C1orf21: variants seen among roughly 807,000 people sequenced by gnomAD.
C1orf21 encodes the protein chromosome 1 open reading frame 21.
In C1orf21, 3 loss-of-function variants were observed where a neutral mutation model predicts 18.7. The ratio of observed to expected loss-of-function variants is 0.16; its 90% confidence interval spans 0.07 to 0.42. The LOEUF (loss-of-function observed/expected upper bound fraction) is 0.42. Among genes scored for constraint, C1orf21 ranks in the 10% least tolerant of loss-of-function variants. C1orf21 has a pLI of 0.99. For synonymous variants in C1orf21, 41 were observed against 46.4 expected (o/e 0.88, Z 0.47); for missense variants, 104 against 143.6 (o/e 0.72, Z 1.41).
rs1446289629 is a variant in C1orf21, at chr1:184,410,638, TA to T, written c.-125+23271del. Among the ~76,000 whole-genome samples the T allele has an allele frequency of 1.7e-3, 7 of 4,158 alleles. 2 individuals carry two copies. Among genetic ancestry groups the T allele is most frequent in the African/African-American group, 5.6e-3 (1 of 178 alleles). 2.7% of individuals were successfully genotyped at this position (4,158 alleles called of 152,430 possible). A position where few individuals can be genotyped will look rare whatever the true frequency, so the allele number is the denominator to read the frequency against. ...TATATTATATATATATATATATATA[TA>T]TATATATATATATATATATATATAT... On this transcript the variant is annotated intron_variant, in intron 1 of 5. Transcript: ENST00000235307.
At chr1:184,508,505 CG>C (rs1334903769) in intron 3 of C1orf21, among the ~76,000 whole-genome samples, 1 of 151,982 alleles carries the variant, frequency 6.6e-6, no homozygotes, top group African/African-American at 2.4e-5. Context: ...GACTTAAACT[CG>C]TTTTTTTATA....
intron 1 of C1orf21, among the ~76,000 whole-genome samples, chr1:184,399,285 G>T (rs1357544629): frequency 6.7e-6 from 1 of 149,422 alleles, no homozygotes; most frequent in Non-Finnish European, 1.5e-5. Flanking sequence ...TAAACTAGTA[G>T]TTTGAGCTAG....
Position 184,621,712 on chromosome 1 carries a change from T to C in C1orf21, c.*2156T>C, listed in dbSNP as rs376076759. ...ATGTCATTTTTCTCATGGTCACATTTAACAGTTTTGACATGTTATACTTGC... is the reference window on the plus strand; with the variant it reads ...ATGTCATTTTTCTCATGGTCACATTCAACAGTTTTGACATGTTATACTTGC... On this transcript the variant is annotated 3_prime_UTR_variant, in exon 6 of 6. Transcript: ENST00000235307. The C allele has an allele frequency of 2.0e-5, 3 of 152,234 alleles. No individual in the cohort carries two copies. Among genetic ancestry groups the C allele is most frequent in the South Asian group, 4.1e-4 (2 of 4,830 alleles). The allele number at this position is 152,234 out of a possible 1,614,324, so 9.4% of individuals were successfully genotyped here.
At chr1:184,618,638 C>A (rs1659868230) in intron 5 of C1orf21, among the ~76,000 whole-genome samples, 1 of 135,940 alleles carries the variant, frequency 7.4e-6, no homozygotes, top group South Asian at 2.5e-4. Context: ...AAGAACATTC[C>A]CCCCCCCCAA....
chr1:184,435,478 G>A (rs1253438371), intron 1 of C1orf21, among the ~76,000 whole-genome samples: 1 of 152,078 alleles, frequency 6.6e-6, no homozygotes, highest in Non-Finnish European at 1.5e-5. Context: ...CGAGTAGCTG[G>A]GATTACAGAC....
chr1:184,464,053 G>A (rs770940478), intron 1 of C1orf21, among the ~76,000 whole-genome samples: 17 of 152,228 alleles, frequency 1.1e-4, no homozygotes, highest in Non-Finnish European at 2.4e-4. Context: ...CTACAGACTA[G>A]ACTGGCTGGA....
intron 3 of C1orf21, among the ~76,000 whole-genome samples, chr1:184,574,045 A>T (rs182363297): frequency 2.1e-3 from 320 of 152,152 alleles, no homozygotes; most frequent in African/African-American, 7.1e-3. Context: ...AAGAAAAAAA[A>T]AATACAAAAA....
intron 5 of C1orf21, among the ~76,000 whole-genome samples, chr1:184,610,573 G>A (rs531852802): frequency 7.4e-4 from 113 of 152,288 alleles, no homozygotes; most frequent in Admixed American, 1.6e-3. Context: ...TAGGCCAGGC[G>A]CGGTGGCTCA....
chr1:184,620,974 T>A lies in C1orf21; in HGVS notation c.*1418T>A, dbSNP rs1157283229. 2 of 151,542 alleles carry A rather than the reference T, an allele frequency of 1.3e-5. No homozygotes were observed. Among genetic ancestry groups the A allele is most frequent in the Non-Finnish European group, 2.9e-5 (2 of 67,944 alleles). The allele number at this position is 151,542 out of a possible 1,614,324, so 9.4% of individuals were successfully genotyped here. On this transcript the variant is annotated 3_prime_UTR_variant, in exon 6 of 6. Transcript: ENST00000235307. ...AAATGCCACGCCAGCAGTCCGGGTCTGGGTTTGTCCCACAAAATCACAGGA... is the reference window on the plus strand; with the variant it reads ...AAATGCCACGCCAGCAGTCCGGGTCAGGGTTTGTCCCACAAAATCACAGGA...
intron 1 of C1orf21, among the ~76,000 whole-genome samples, chr1:184,447,881 C>T (rs1397935230): frequency 6.6e-6 from 1 of 152,144 alleles, no homozygotes; most frequent in African/African-American, 2.4e-5. Flanking sequence ...TATCTTAGTA[C>T]GGCCCTTCAT....
At chr1:184,441,465 T>C (rs1656944308) in intron 1 of C1orf21, among the ~76,000 whole-genome samples, 1 of 152,220 alleles carries the variant, frequency 6.6e-6, no homozygotes, top group African/African-American at 2.4e-5. Context: ...TGTTAGTCCT[T>C]GTATTCTTAC....
chr1:184,593,870 A>T (rs147580970), intron 4 of C1orf21, among the ~76,000 whole-genome samples: 1 of 152,230 alleles, frequency 6.6e-6, no homozygotes, highest in Non-Finnish European at 1.5e-5. Flanking sequence ...AGAAAAGAGT[A>T]AGTCCTGAAA....
intron 1 of C1orf21, among the ~76,000 whole-genome samples, chr1:184,394,185 G>A (rs753253078): frequency 9.2e-5 from 14 of 152,212 alleles, no homozygotes; most frequent in Non-Finnish European, 1.8e-4. Flanking sequence ...TATCCTGAGT[G>A]CTTTAGGGCT....
rs553932360 is a variant in C1orf21, at chr1:184,411,582, T to C, written c.-125+24214T>C. Among the ~76,000 whole-genome samples, 401 of 151,766 alleles carry C rather than the reference T, an allele frequency of 2.6e-3. 2 individuals carry two copies. Among genetic ancestry groups the C allele is most frequent in the Non-Finnish European group, 4.2e-3 (284 of 67,988 alleles). ...GACTACAGGCGCCCGCCATCACGCC[T>C]GGCTATTTTTTTTGTATTTTTAATA... On this transcript the variant is annotated intron_variant, in intron 1 of 5. Coordinates refer to ENST00000235307, the MANE Select transcript of C1orf21 (RefSeq NM_030806.4).
intron 1 of C1orf21, among the ~76,000 whole-genome samples, chr1:184,417,066 A>C (rs1338449321): frequency 6.6e-6 from 1 of 152,152 alleles, no homozygotes; most frequent in Non-Finnish European, 1.5e-5. Flanking sequence ...TGAATGAATG[A>C]AAATCTCTTG....
intron 1 of C1orf21, among the ~76,000 whole-genome samples, chr1:184,406,699 G>T (rs2101959736): frequency 6.6e-6 from 1 of 152,302 alleles, no homozygotes; most frequent in Admixed American, 6.5e-5. Flanking sequence ...TGTATCTAAG[G>T]GTAAGGGAAA....
chr1:184,531,623 G>A (rs575199190), intron 3 of C1orf21, among the ~76,000 whole-genome samples: 1 of 152,094 alleles, frequency 6.6e-6, no homozygotes, highest in African/African-American at 2.4e-5. Flanking sequence ...TTTCTTTTGG[G>A]CTACATAACT....
At chr1:184,428,434 G>T (rs1441385549) in intron 1 of C1orf21, among the ~76,000 whole-genome samples, 5 of 152,182 alleles carry the variant, frequency 3.3e-5, no homozygotes, top group African/African-American at 7.2e-5. Flanking sequence ...TGCAAGAAGT[G>T]GTCTACCAGG....
intron 2 of C1orf21, among the ~76,000 whole-genome samples, chr1:184,495,917 C>CAAAA (rs764285547): frequency 6.3e-4 from 32 of 50,866 alleles, no homozygotes; most frequent in African/African-American, 2.1e-3. Context: ...GACTCTGTCT[C>CAAAA]AAAAAAAAAA....
Sources: allele counts gnomAD v4.1 joint callset (sites outside exome capture counted in the v4.1 genomes callset), GRCh38; gene constraint gnomAD v4.1.1; transcripts MANE v1.5; gene names NCBI Gene and HGNC (gene_info 2026-07-23, HGNC 2026-07-21).